Variants in GRSF1 observed in about 807,000 individuals in gnomAD.
The protein encoded by GRSF1 is G-rich sequence factor 1.
In GRSF1, 50 loss-of-function variants were observed where a neutral mutation model predicts 51.1. The observed-to-expected ratio is 0.98, with a 90% CI of 0.78 to 1.24. The LOEUF (loss-of-function observed/expected upper bound fraction) is 1.24, where lower values mean the gene tolerates loss of function less well. Ranked by LOEUF, GRSF1 falls within the 50% of genes most tolerant of loss-of-function variation. The pLI, the probability that GRSF1 is intolerant of heterozygous loss-of-function variation, is 0.00. For missense variants in GRSF1, 700 were observed against 639.7 expected (o/e 1.09, Z -1.02); for synonymous variants, 293 against 253.3 (o/e 1.16, Z -1.49).
intron 9 of GRSF1, among the ~76,000 whole-genome samples, chr4:70,822,690 C>A (rs1268468943): frequency 6.6e-6 from 1 of 151,630 alleles, no homozygotes; most frequent in South Asian, 2.1e-4. Context: ...CAGTCTATTA[C>A]GATTTATAGC....
chr4:70,828,324 G>C (rs1240501957), intron 5 of GRSF1, among the ~76,000 whole-genome samples: 1 of 152,106 alleles, frequency 6.6e-6, no homozygotes, highest in Non-Finnish European at 1.5e-5. Flanking sequence ...CTATGCTTAA[G>C]TTAATTGTGT....
At position 70,822,358 on chromosome 4, in the gene GRSF1, G is replaced by A. The variant is rs1033737860; in HGVS notation, c.*26-1497C>T. On this transcript the variant is annotated intron_variant, in intron 9 of 9. Transcript: ENST00000254799. ...AGCACTTTGGGAGGCTGAGGCTAGC[G>A]GATCACTGGATGTCGGGAGTTTGAG... is the stretch of plus-strand genomic sequence containing the variant. Among the ~76,000 whole-genome samples, 17 of 151,446 alleles carry A rather than the reference G, an allele frequency of 1.1e-4. No homozygotes were observed. The East Asian group carries it at 2.8e-3, about 25-fold the overall frequency.
At chr4:70,827,777 C>CTCA in intron 6 of GRSF1, 75 bp downstream of exon 6, 1 of 870,620 alleles carries the variant, frequency 1.1e-6, no homozygotes, top group African/African-American at 1.8e-5. Context: ...GACTTCATCT[C>CTCA]AAAAAAAAAA....
At position 70,830,276 on chromosome 4, in the gene GRSF1, G is replaced by T. The variant is rs570689418; in HGVS notation, c.950+1263C>A. 3.3e-5 allele frequency among the ~76,000 whole-genome samples: 5 copies of T among 152,026 alleles called. No individual in the cohort carries two copies. The South Asian group carries it at 1.0e-3, about 32-fold the overall frequency. On this transcript the variant is annotated intron_variant, in intron 5 of 9. Transcript: ENST00000254799. ...ACCCCACCTACAAACACACACGCAC[G>T]CACGCACACACACATACACACAGCC...
intron 3 of GRSF1, 132 bp from the exon 4 acceptor site, chr4:70,832,582 G>A (rs185990655): frequency 1.4e-4 from 81 of 590,686 alleles, no homozygotes; most frequent in Middle Eastern, 2.7e-4. Flanking sequence ...CGCTTCTCTA[G>A]AGAAAATAAC....
intron 2 of GRSF1, among the ~76,000 whole-genome samples, chr4:70,833,712 T>C (rs1016344222): frequency 3.3e-5 from 5 of 152,128 alleles, no homozygotes; most frequent in Non-Finnish European, 5.9e-5. Flanking sequence ...AGAGAGGCGG[T>C]CTCATTTTGT....
intron 1 of GRSF1, chr4:70,839,012 C>T: frequency 1.7e-6 from 1 of 592,450 alleles, no homozygotes; most frequent in Non-Finnish European, 2.6e-6. Context: ...GCGCACCTTC[C>T]CAGCAGCGGC....
Position 70,839,646 on chromosome 4 carries a change from G to C in GRSF1, c.182C>G (p.Ser61Cys). 1 of 1,398,382 alleles carries C rather than the reference G, an allele frequency of 7.2e-7. No homozygotes were observed. The highest frequency in any genetic ancestry group is 9.2e-7 in the Non-Finnish European group (1 of 1,089,368). The allele number at this position is 1,398,382 out of a possible 1,614,324, so 86.6% of individuals were successfully genotyped here. A position where few individuals can be genotyped will look rare whatever the true frequency, so the allele number is the denominator to read the frequency against. ...CCCGGTCTGGAGGCCACGCGTCTGG[G>C]AGGCAGCGGCCGCGGCGGCCCCGAG... ...LLLGAAAAAA[S>C]QTRGLQTGPV... is the part of the protein sequence containing the mutation. The change falls in exon 1 of 10, where the codon TCC (serine) becomes TGC (cysteine). Residue 61 changes from serine (S) to cysteine (C), a missense_variant. Ser to Cys is a moderately radical substitution (Grantham distance 112, BLOSUM62 -1). Transcript: ENST00000254799.
At chr4:70,832,584 G>A in intron 3 of GRSF1, 134 bp from the exon 4 acceptor site, 1 of 587,642 alleles carries the variant, frequency 1.7e-6, no homozygotes. Context: ...CTTCTCTAGA[G>A]AAAATAACAA....
upstream of GRSF1, among the ~76,000 whole-genome samples, chr4:70,841,073 A>G (rs1223981523): frequency 6.6e-6 from 1 of 152,062 alleles, no homozygotes; most frequent in Non-Finnish European, 1.5e-5. Flanking sequence ...AAGTGAGAGG[A>G]TCACTGGAGC....
chr4:70,824,561 G>A (rs1198361914), intron 8 of GRSF1, among the ~76,000 whole-genome samples, 193 bp from the exon 9 acceptor site: 4 of 151,966 alleles, frequency 2.6e-5, no homozygotes, highest in Non-Finnish European at 5.9e-5. Flanking sequence ...GAAGTGGGAG[G>A]ATCACCTGAG....
In GRSF1 at chr4:70,819,508, A is replaced by G. The variant is rs997065714; in HGVS notation, c.*1379T>C. 6.6e-6 allele frequency: 1 copy of G among 152,232 alleles called. No individual in the cohort carries two copies. Among genetic ancestry groups the G allele is most frequent in the Non-Finnish European group, 1.5e-5 (1 of 68,040 alleles). 9.4% of individuals were successfully genotyped at this position (152,232 alleles called of 1,614,324 possible). ...ATATTCAGTTGACTCACAGACTCCA[A>G]TAATAAATACTCTTAGGTAATCTTC... is the stretch of plus-strand genomic sequence containing the variant. On this transcript the variant is annotated 3_prime_UTR_variant, in exon 10 of 10. Coordinates refer to ENST00000254799, the MANE Select transcript of GRSF1 (RefSeq NM_002092.4).
intron 5 of GRSF1, among the ~76,000 whole-genome samples, chr4:70,831,301 G>C (rs28417620): frequency 0.054 from 8,149 of 151,600 alleles, 524 homozygotes; most frequent in African/African-American, 0.16. Context: ...GTTGCAGTGA[G>C]CCAAGATCGT....
At chr4:70,840,221 G>A (rs1020980306), upstream of GRSF1, among the ~76,000 whole-genome samples, 1 of 150,300 alleles carries the variant, frequency 6.7e-6, no homozygotes, top group South Asian at 2.1e-4. Flanking sequence ...GCTGCCCATG[G>A]TTTGGGCGGG....
upstream of GRSF1, among the ~76,000 whole-genome samples, chr4:70,840,631 C>T (rs1304717405): frequency 2.0e-5 from 3 of 152,088 alleles, no homozygotes; most frequent in African/African-American, 7.2e-5. Flanking sequence ...GGTGTGGTGA[C>T]GGGTGCCCGT....
chr4:70,831,433 T>TCGG (rs1336039964), intron 5 of GRSF1, 106 bp downstream of exon 5: 1 of 995,446 alleles, frequency 1.0e-6, no homozygotes, highest in Non-Finnish European at 1.5e-6. Context: ...TACACTACTC[T>TCGG]CTCTACTTTT....
chr4:70,838,327 GA>G (rs60018693), intron 1 of GRSF1, among the ~76,000 whole-genome samples: 210 of 149,640 alleles, frequency 1.4e-3, no homozygotes, highest in Middle Eastern at 7.1e-3. Context: ...CAATTTCATA[GA>G]AAAAAAAAGA....
intron 3 of GRSF1, among the ~76,000 whole-genome samples, 180 bp downstream of exon 3, chr4:70,832,938 A>C (rs1442987745): frequency 6.6e-6 from 1 of 152,178 alleles, no homozygotes; most frequent in Non-Finnish European, 1.5e-5. Flanking sequence ...ACAGAGTGAG[A>C]TTCCATCCCC....
At chr4:70,827,438 A>G (rs946072942) in intron 6 of GRSF1, among the ~76,000 whole-genome samples, 1 of 152,202 alleles carries the variant, frequency 6.6e-6, no homozygotes, top group African/African-American at 2.4e-5. Flanking sequence ...TAAATTAAAA[A>G]CCTAGCAAAA....
Sources: allele counts gnomAD v4.1 joint callset (sites outside exome capture counted in the v4.1 genomes callset), GRCh38; gene constraint gnomAD v4.1.1; transcripts MANE v1.5; gene names NCBI Gene and HGNC (gene_info 2026-07-23, HGNC 2026-07-21).